Variants in CFAP184 observed in about 807,000 individuals in gnomAD.
CFAP184 encodes cilia and flagella associated protein 184, also known as cilia- and flagella-associated protein 184.
chr4:7,041,649 T>A, the CFAP184 span: 1 of 1,614,234 alleles, frequency 6.2e-7, no homozygotes, highest in Admixed American at 1.7e-5. Context: ...TGCGAAGTTT[T>A]AAAAGTTCCT....
chr4:7,041,302 ATCT>A, the CFAP184 span: 3 of 1,607,112 alleles, frequency 1.9e-6, no homozygotes, highest in East Asian at 4.5e-5. Flanking sequence ...GGCCTCCCTG[ATCT>A]TCTGCCTCAC....
At chr4:7,042,242 G>C in the CFAP184 span, 1 of 1,598,716 alleles carries the variant, frequency 6.3e-7, no homozygotes, top group Non-Finnish European at 8.5e-7. Context: ...AGCAGGGAAC[G>C]GTACTGGTCC....
At chr4:7,042,176 C>A in the CFAP184 span, 1 of 1,599,308 alleles carries the variant, frequency 6.3e-7, no homozygotes, top group Admixed American at 1.7e-5. Flanking sequence ...CGCAGCGCCT[C>A]GAAGATCTTG....
chr4:7,042,798 C>T, the CFAP184 span: 1 of 1,556,280 alleles, frequency 6.4e-7, no homozygotes, highest in Non-Finnish European at 8.7e-7. Flanking sequence ...CCTCCTCCTC[C>T]GGCTCCGACT....
chr4:7,042,407 C>G, the CFAP184 span: 1 of 1,612,144 alleles, frequency 6.2e-7, no homozygotes, highest in Non-Finnish European at 8.5e-7. Context: ...TCCGCGCCGT[C>G]TCTCTGCGTC....
the CFAP184 span, chr4:7,042,638 C>A: frequency 6.7e-7 from 1 of 1,490,476 alleles, no homozygotes; most frequent in Non-Finnish European, 8.9e-7. Flanking sequence ...CCAACCTCGG[C>A]CGGCTCTTCG....
the CFAP184 span, chr4:7,041,816 C>A: frequency 9.9e-6 from 16 of 1,610,312 alleles, no homozygotes; most frequent in African/African-American, 1.3e-5. Context: ...TCCAGCCGCA[C>A]GGCGCTCATC....
At chr4:7,042,438 C>G in the CFAP184 span, 3 of 1,611,646 alleles carry the variant, frequency 1.9e-6, no homozygotes, top group Admixed American at 1.7e-5. Context: ...CCTCTTCCTC[C>G]CCCTCCACCC....
the CFAP184 span, chr4:7,042,405 G>C: frequency 6.2e-7 from 1 of 1,612,012 alleles, no homozygotes; most frequent in Non-Finnish European, 8.5e-7. Flanking sequence ...TCTCCGCGCC[G>C]TCTCTCTGCG....
the CFAP184 span, chr4:7,042,240 AC>A: frequency 6.2e-7 from 1 of 1,600,072 alleles, no homozygotes. Flanking sequence ...CCAGCAGGGA[AC>A]GGTACTGGTC....
At chr4:7,042,459 G>C in the CFAP184 span, 2 of 1,610,910 alleles carry the variant, frequency 1.2e-6, no homozygotes, top group Non-Finnish European at 1.7e-6. Flanking sequence ...GCTCTGTCTC[G>C]GCCTCCGGGG....
the CFAP184 span, chr4:7,042,211 TG>T: frequency 6.3e-7 from 1 of 1,597,854 alleles, no homozygotes; most frequent in Non-Finnish European, 8.5e-7. Flanking sequence ...GTTGTAGCGC[TG>T]GGAGCGGTTC....
the CFAP184 span, chr4:7,041,849 A>G: frequency 6.2e-7 from 1 of 1,609,522 alleles, no homozygotes; most frequent in East Asian, 2.2e-5. Flanking sequence ...TTATCCTCCA[A>G]CGCCTGGATC....
the CFAP184 span, chr4:7,041,497 G>C: frequency 6.2e-7 from 1 of 1,614,220 alleles, no homozygotes; most frequent in South Asian, 1.1e-5. Flanking sequence ...GGCTTGCTTC[G>C]TCTTGGTCAG....
chr4:7,041,139 G>C, the CFAP184 span: 1 of 1,365,554 alleles, frequency 7.3e-7, no homozygotes, highest in African/African-American at 1.4e-5. Flanking sequence ...AAGCTAAAAC[G>C]TTTTGAGATA....
At chr4:7,041,287 G>T in the CFAP184 span, 4 of 1,599,032 alleles carry the variant, frequency 2.5e-6, no homozygotes, top group Non-Finnish European at 2.6e-6. Context: ...AGGGAGAAAG[G>T]CTTTGGCCTC....
chr4:7,041,232 G>C, the CFAP184 span: 32 of 1,528,090 alleles, frequency 2.1e-5, no homozygotes, highest in Non-Finnish European at 2.7e-5. Flanking sequence ...AGCACGTCCT[G>C]AGGATGAAGT....
chr4:7,042,447 C>G, the CFAP184 span: 1 of 1,611,568 alleles, frequency 6.2e-7, no homozygotes, highest in African/African-American at 1.3e-5. Flanking sequence ...CCCCCTCCAC[C>G]CGCTCTGTCT....
chr4:7,041,272 C>CAAGAAGGGAGA, the CFAP184 span: 2 of 1,586,664 alleles, frequency 1.3e-6, no homozygotes, highest in Non-Finnish European at 1.7e-6. Context: ...TCGATCTGGT[C>CAAGAAGGGAGA]AAGAAGGGAG....
Sources: allele counts gnomAD v4.1 joint callset, GRCh38; gene constraint gnomAD v4.1.1; transcripts MANE v1.5; gene names NCBI Gene and HGNC (gene_info 2026-07-23, HGNC 2026-07-21).